The following WWP2 variants were observed in gnomAD, a reference collection of about 807,000 sequenced individuals.
WWP2 encodes the protein NEDD4-like E3 ubiquitin-protein ligase WWP2.
WWP2 carries 57 observed loss-of-function variants against 121.0 expected under a neutral mutation model. The ratio of observed to expected loss-of-function variants is 0.47; its 90% CI spans 0.38 to 0.59. The LOEUF (loss-of-function observed/expected upper bound fraction) is 0.59. Among genes scored for constraint, WWP2 ranks in the 20% least tolerant of loss-of-function variants. WWP2 has a pLI of 0.00. For missense variants in WWP2, 962 were observed against 1,158.9 expected (o/e 0.83, Z 2.47); for synonymous variants, 449 against 441.3 (o/e 1.02, Z -0.22).
At chr16:69,928,440 G>A (rs1462399056) in intron 11 of WWP2, among the ~76,000 whole-genome samples, 1 of 152,064 alleles carries the variant, frequency 6.6e-6, no homozygotes, top group African/African-American at 2.4e-5. Context: ...ACCAGCTAGG[G>A]TTGGGTCTGC....
intron 7 of WWP2, among the ~76,000 whole-genome samples, chr16:69,882,062 C>T (rs11510266): frequency 0.039 from 5,958 of 151,942 alleles, 323 homozygotes; most frequent in African/African-American, 0.13. Context: ...TCAAATGATC[C>T]ACCTGCTTTG....
At chr16:69,910,935 C>G (rs933940540) in intron 9 of WWP2, among the ~76,000 whole-genome samples, 2 of 152,174 alleles carry the variant, frequency 1.3e-5, no homozygotes, top group African/African-American at 4.8e-5. Flanking sequence ...CCCTGCATAG[C>G]TTACTAGTCC....
chr16:69,852,137 C>G (rs1267739383), intron 6 of WWP2, among the ~76,000 whole-genome samples: 1 of 152,184 alleles, frequency 6.6e-6, no homozygotes, highest in African/African-American at 2.4e-5. Flanking sequence ...TGCATTGCCA[C>G]CAGCAGTGAG....
At chr16:69,806,953 T>TC (rs1567676797) in intron 4 of WWP2, among the ~76,000 whole-genome samples, 1 of 146,170 alleles carries the variant, frequency 6.8e-6, no homozygotes, top group Middle Eastern at 3.4e-3. Context: ...TTTATTTATT[T>TC]ATTCATTCAT....
intron 16 of WWP2, among the ~76,000 whole-genome samples, 194 bp from the exon 17 acceptor site, chr16:69,933,776 T>G (rs946656239): frequency 1.3e-5 from 2 of 152,148 alleles, no homozygotes; most frequent in African/African-American, 4.8e-5. Context: ...CCTGGTTCAC[T>G]GTAGGTCTGA....
chr16:69,798,869 G>T, intron 3 of WWP2, 40 bp downstream of exon 3: 2 of 1,607,508 alleles, frequency 1.2e-6, no homozygotes, highest in East Asian at 2.2e-5. Flanking sequence ...AGCAAGATGG[G>T]GAAAGAGAGA....
At chr16:69,939,722 G>A (rs956761750) in intron 23 of WWP2, 119 bp from the exon 24 acceptor site, 22 of 909,810 alleles carry the variant, frequency 2.4e-5, no homozygotes, top group Non-Finnish European at 3.1e-5. Flanking sequence ...CTGACTGGCA[G>A]CCCCTGAGCC....
At position 69,847,148 on chromosome 16, in the gene WWP2, G is replaced by A. The variant is rs538018398; in HGVS notation, c.575+5028G>A. Among the ~76,000 whole-genome samples the A allele has an allele frequency of 1.5e-4, 23 of 152,124 alleles. No homozygotes were observed. In the South Asian group the frequency reaches 4.1e-3, roughly 27 times the overall value. ...CGCCCAGGCTGGAGTGCAGTGCCACGATCTCGGCTCACTATAAACTCTGCC... is the reference window on the plus strand; with the variant it reads ...CGCCCAGGCTGGAGTGCAGTGCCACAATCTCGGCTCACTATAAACTCTGCC... On this transcript the variant is annotated intron_variant, in intron 6 of 23. Coordinates refer to ENST00000359154, the MANE Select transcript of WWP2 (RefSeq NM_001270454.2).
chr16:69,843,957 T>TTGG (rs2057024254), intron 6 of WWP2, among the ~76,000 whole-genome samples: 1 of 152,200 alleles, frequency 6.6e-6, no homozygotes, highest in Admixed American at 6.5e-5. Flanking sequence ...ACCCGCAGCA[T>TTGG]CTTAAAAGAT....
intron 4 of WWP2, among the ~76,000 whole-genome samples, chr16:69,815,532 A>T (rs2056472543): frequency 6.6e-6 from 1 of 151,490 alleles, no homozygotes; most frequent in South Asian, 2.1e-4. Flanking sequence ...CGGTGCCTGT[A>T]ATCTCAGCAC....
intron 2 of WWP2, among the ~76,000 whole-genome samples, chr16:69,791,266 C>T (rs1487955101): frequency 2.7e-5 from 4 of 150,420 alleles, no homozygotes; most frequent in African/African-American, 7.4e-5. Flanking sequence ...CTCGCTCTAT[C>T]GCCGAGGCTG....
intron 2 of WWP2, among the ~76,000 whole-genome samples, chr16:69,793,343 C>T (rs1170746255): frequency 6.6e-6 from 1 of 152,070 alleles, no homozygotes; most frequent in Non-Finnish European, 1.5e-5. Flanking sequence ...CAGAGCAAGA[C>T]TCCATCTAAA....
At chr16:69,773,207 C>G (rs1054596760) in intron 1 of WWP2, among the ~76,000 whole-genome samples, 6 of 151,268 alleles carry the variant, frequency 4.0e-5, no homozygotes, top group African/African-American at 1.5e-4. Context: ...TGAGATGACT[C>G]TCATGCTGTC....
rs567012471 is a variant in WWP2, at chr16:69,913,165, C to T, written c.1004+4315C>T. Among the ~76,000 whole-genome samples, 118 of 146,154 alleles carry T rather than the reference C, an allele frequency of 8.1e-4. 2 individuals are homozygous for T. Among genetic ancestry groups the T allele is most frequent in the African/African-American group, 3.0e-3 (118 of 39,716 alleles). On this transcript the variant is annotated intron_variant, in intron 9 of 23. Coordinates refer to ENST00000359154, the MANE Select transcript of WWP2 (RefSeq NM_001270454.2). ...TCAGCCTCCTAAGTAGTTGGGGTTA[C>T]AGGCACATGCCACCACGCCCAGCTA...
intron 6 of WWP2, among the ~76,000 whole-genome samples, chr16:69,866,800 G>A (rs899960336): frequency 7.2e-6 from 1 of 139,606 alleles, no homozygotes; most frequent in African/African-American, 2.6e-5. Context: ...TTTCAGTTCC[G>A]TATTTATTTA....
At chr16:69,785,683 A>T (rs1178828690) in intron 1 of WWP2, among the ~76,000 whole-genome samples, 1 of 146,356 alleles carries the variant, frequency 6.8e-6, no homozygotes, top group Non-Finnish European at 1.5e-5. Flanking sequence ...CTGGAGTGCC[A>T]TGGCACAGTC....
chr16:69,826,651 G>GGGT (rs1039856721), intron 4 of WWP2, among the ~76,000 whole-genome samples: 17 of 150,534 alleles, frequency 1.1e-4, no homozygotes, highest in African/African-American at 3.9e-4. Flanking sequence ...AGGCCGAGGC[G>GGGT]GGTGGATCAC....
At chr16:69,867,437 T>C (rs79720196) in intron 6 of WWP2, among the ~76,000 whole-genome samples, 1,801 of 152,260 alleles carry the variant, frequency 0.012, 37 homozygotes, top group African/African-American at 0.041. Flanking sequence ...AAAAGGATGA[T>C]TGAGTACATT....
At chr16:69,796,716 G>T (rs2056055064) in intron 2 of WWP2, among the ~76,000 whole-genome samples, 1 of 152,184 alleles carries the variant, frequency 6.6e-6, no homozygotes, top group Non-Finnish European at 1.5e-5. Context: ...CTTGGTCCGT[G>T]TGTAAATCAC....
Sources: gnomAD v4.1 joint callset for allele counts (sites outside exome capture counted in the v4.1 genomes callset) on GRCh38, gnomAD v4.1.1 for gene constraint, MANE v1.5 for transcripts, NCBI Gene and HGNC (gene_info 2026-07-23, HGNC 2026-07-21) for gene names.